The following SMG1 variants were observed in gnomAD, a reference collection of about 807,000 sequenced individuals.
The protein encoded by SMG1 is SMG1 nonsense mediated mRNA decay associated PI3K related kinase.
Under a neutral mutation model 419.9 loss-of-function variants are expected in SMG1, and 22 were observed. The observed-to-expected ratio is 0.05, with a 90% CI of 0.04 to 0.07. The LOEUF (loss-of-function observed/expected upper bound fraction) is 0.07. Among genes scored for constraint, SMG1 ranks in the 10% least tolerant of loss-of-function variants. The pLI is 1.00. For synonymous variants in SMG1, 1,538 were observed against 1,553.5 expected, an observed-to-expected ratio of 0.99 and a Z score of 0.23; for missense variants, 3,185 against 4,342.0, an observed-to-expected ratio of 0.73 and a Z score of 7.49.
chr16:18,870,254 T>C (rs1422503311), intron 18 of SMG1, among the ~76,000 whole-genome samples: 4 of 152,334 alleles, frequency 2.6e-5, no homozygotes, highest in East Asian at 1.9e-4. Context: ...ATTATGCTTA[T>C]GTATTACAAA....
At chr16:18,855,217 C>G (rs1322166587) in intron 29 of SMG1, among the ~76,000 whole-genome samples, 1 of 151,986 alleles carries the variant, frequency 6.6e-6, no homozygotes, top group Non-Finnish European at 1.5e-5. Context: ...GCTAAACCAT[C>G]CCCCCGCACT....
chr16:18,920,909 C>G (rs958690004), intron 1 of SMG1, among the ~76,000 whole-genome samples: 4 of 151,748 alleles, frequency 2.6e-5, no homozygotes, highest in East Asian at 1.9e-4. Flanking sequence ...AGGCCGAAGC[C>G]GGTGGATCAC....
rs1417884735 is a variant in SMG1 at position 18,849,391 on chromosome 16, AAG to A, written c.5462-15_5462-14del. ...TGCGGAATAATTCCTTCAGGACAAG[AAG>A]AGAGAAAGACACTTTAAAGTTATTT... On this transcript the variant is annotated splice_polypyrimidine_tract_variant and intron_variant, in intron 35 of 62. Coordinates refer to ENST00000446231, the MANE Select transcript of SMG1 (RefSeq NM_015092.5). The A allele has an allele frequency of 1.2e-6, 2 of 1,604,612 alleles. No homozygotes were observed. The highest frequency in any genetic ancestry group is 2.7e-5 in the African/African-American group (2 of 74,622).
At chr16:18,852,488 T>G (rs752880110) in intron 31 of SMG1, 26 bp from the exon 32 acceptor site, 8 of 1,470,212 alleles carry the variant, frequency 5.4e-6, no homozygotes, top group Non-Finnish European at 6.3e-6. Flanking sequence ...AAAAAATAAT[T>G]ATAATAAAAG....
chr16:18,908,956 A>G (rs1230513082), intron 1 of SMG1, among the ~76,000 whole-genome samples: 1 of 152,154 alleles, frequency 6.6e-6, no homozygotes, highest in East Asian at 1.9e-4. Flanking sequence ...TTATTCTGAT[A>G]AAGTTCCTTT....
chr16:18,866,596 A>G (rs1567392618), intron 23 of SMG1, 25 bp downstream of exon 23: 4 of 1,566,732 alleles, frequency 2.6e-6, no homozygotes, highest in Middle Eastern at 2.3e-4. Context: ...TAATTCTATC[A>G]CCCATTTCCT....
At chr16:18,849,426 T>C in intron 35 of SMG1, 48 bp from the exon 36 acceptor site, 1 of 1,531,924 alleles carries the variant, frequency 6.5e-7, no homozygotes, top group Non-Finnish European at 8.9e-7. Flanking sequence ...TTTAAAACTA[T>C]GAAGAAACTA....
intron 55 of SMG1, among the ~76,000 whole-genome samples, chr16:18,821,221 C>CTTTTTTTTTTTTTTTTTTTTTTT (rs869238782): frequency 4.5e-4 from 16 of 35,598 alleles, no homozygotes; most frequent in South Asian, 8.4e-4. Flanking sequence ...TAGTATGTTT[C>CTTTTTTTTTTTTTTTTTTTTTTT]TTTTTTTTTT....
intron 36 of SMG1, 148 bp downstream of exon 36, chr16:18,849,069 C>CAAAAAAAAAAAAAAAAAAAAAAAAAAAAA (rs58373081): frequency 9.0e-6 from 1 of 110,718 alleles, no homozygotes; most frequent in African/African-American, 7.6e-5. Flanking sequence ...GACTCCATCT[C>CAAAAAAAAAAAAAAAAAAAAAAAAAAAAA]AAAAAAAAAA....
rs1021488261 is a variant in SMG1, at chr16:18,850,181, T to G, written c.5284-55A>C. ...AGAAAATAACTCAGAACACTACTTT[T>G]GTTTAATAAGAAAAAGTTTCCAAAA... On this transcript the variant is annotated intron_variant, in intron 34 of 62. Coordinates refer to ENST00000446231, the MANE Select transcript of SMG1 (RefSeq NM_015092.5). The G allele has an allele frequency of 5.0e-6, 8 of 1,586,470 alleles. No homozygotes were observed. In the African/African-American group the frequency reaches 1.1e-4, roughly 21 times the overall value.
rs757126422 is a variant in SMG1, at chr16:18,859,575, T to C, written c.3934A>G (p.Lys1312Glu). Residue 1312 changes from lysine (K) to glutamate (E), a missense_variant, in exon 27 of 63, where the codon AAG becomes GAG. By Grantham distance (56) the Lys-to-Glu change is moderately conservative. Transcript: ENST00000446231. Reference protein sequence around the residue: ...TALNPIEQDQKWQSITENVVK... With the variant: ...TALNPIEQDQEWQSITENVVK... ...ACTTACTCAGTTATAGACTGCCACT[T>C]CTGATCTTGTTCTATCGGGTTTAAA... 6.3e-6 allele frequency: 10 copies of C among 1,578,146 alleles called. No individual in the cohort carries two copies. The African/African-American group carries it at 1.3e-4, about 21-fold the overall frequency.
At chr16:18,851,092 G>A (rs1360884857) in intron 33 of SMG1, among the ~76,000 whole-genome samples, 2 of 152,218 alleles carry the variant, frequency 1.3e-5, no homozygotes, top group African/African-American at 4.8e-5. Flanking sequence ...CTGCTCAAAA[G>A]TTTGAAGCTG....
At chr16:18,845,782 C>T in intron 38 of SMG1, 131 bp from the exon 39 acceptor site, 1 of 573,632 alleles carries the variant, frequency 1.7e-6, no homozygotes, top group Non-Finnish European at 3.0e-6. Flanking sequence ...AAAGCAATAA[C>T]ATATTCACAA....
chr16:18,917,150 T>A (rs6497297), intron 1 of SMG1, among the ~76,000 whole-genome samples: 83,562 of 150,034 alleles, frequency 0.56, 23,483 homozygotes, highest in African/African-American at 0.61. Context: ...TTAATTAATT[T>A]ATTTATTTAT....
chr16:18,845,219 T>C (rs572727628), intron 39 of SMG1, among the ~76,000 whole-genome samples: 1 of 152,338 alleles, frequency 6.6e-6, no homozygotes, highest in South Asian at 2.1e-4. Flanking sequence ...TGGGCACCTT[T>C]GCCGTCCATC....
chr16:18,920,358 GACA>G (rs1488596612), intron 1 of SMG1, among the ~76,000 whole-genome samples: 3 of 142,646 alleles, frequency 2.1e-5, no homozygotes, highest in South Asian at 2.2e-4. Flanking sequence ...CTCCAGCCTG[GACA>G]ACAAGAGCAA....
chr16:18,812,585 TATAC>T (rs1177002441), intron 60 of SMG1, among the ~76,000 whole-genome samples: 1 of 149,914 alleles, frequency 6.7e-6, no homozygotes. Context: ...CACACATATA[TATAC>T]ATATATATAC....
chr16:18,914,260 C>A (rs1276058465), intron 1 of SMG1, among the ~76,000 whole-genome samples: 1 of 151,824 alleles, frequency 6.6e-6, no homozygotes, highest in Admixed American at 6.6e-5. Context: ...TAAAGTCCTA[C>A]ACATATTATA....
chr16:18,811,013 G>A (rs926913351), intron 62 of SMG1, among the ~76,000 whole-genome samples: 1 of 152,090 alleles, frequency 6.6e-6, no homozygotes, highest in African/African-American at 2.4e-5. Flanking sequence ...TTCAATATTA[G>A]TAAGACTAAT....
Sources: gnomAD v4.1 joint callset for allele counts (sites outside exome capture counted in the v4.1 genomes callset) on GRCh38, gnomAD v4.1.1 for gene constraint, MANE v1.5 for transcripts, NCBI Gene and HGNC (gene_info 2026-07-23, HGNC 2026-07-21) for gene names.